Variants in SCN9A observed in about 807,000 individuals in gnomAD.
The protein encoded by SCN9A is sodium channel protein type 9 subunit alpha.
In SCN9A, 131 loss-of-function variants were observed where a neutral mutation model predicts 187.0. The observed-to-expected ratio is 0.70, with a 90% CI of 0.61 to 0.81. The LOEUF (loss-of-function observed/expected upper bound fraction) is 0.81. Ranked by LOEUF, SCN9A falls within the 30% of genes least tolerant of loss-of-function variation. SCN9A has a pLI of 0.00. For synonymous variants in SCN9A, 809 were observed against 808.6 expected (o/e 1.00, Z -0.01); for missense variants, 2,252 against 2,396.6 (o/e 0.94, Z 1.26).
intron 26 of SCN9A, 128 bp from the exon 27 acceptor site, chr2:166,199,992 T>TTTTTTTTG (rs1693418488): frequency 2.3e-6 from 1 of 444,206 alleles, no homozygotes; most frequent in Non-Finnish European, 3.2e-6. Flanking sequence ...TTTTTTTTTT[T>TTTTTTTTG]TTTTTTTTTT....
rs1052482832 is a variant in SCN9A, at chr2:166,275,039, C to T, written c.2874+1944G>A. The stretch of plus-strand genomic sequence containing the variant: ...TAGACCATGGGTAATTGGTTTTGGT[C>T]TTCCACCCTAAATAATACCTAAACA... On this transcript the variant is annotated intron_variant, in intron 16 of 26. Transcript: ENST00000642356. 5.9e-5 allele frequency among the ~76,000 whole-genome samples: 9 copies of T among 152,252 alleles called. No individual in the cohort carries two copies. The East Asian group carries it at 7.7e-4, about 13-fold the overall frequency.
intron 1 of SCN9A, among the ~76,000 whole-genome samples, chr2:166,330,692 A>G (rs886373234): frequency 2.0e-5 from 3 of 152,316 alleles, no homozygotes; most frequent in African/African-American, 7.2e-5. Context: ...TCAGATGATC[A>G]GGCATTAGTT....
intron 26 of SCN9A, 86 bp from the exon 27 acceptor site, chr2:166,199,950 A>T: frequency 1.8e-6 from 1 of 569,010 alleles, no homozygotes; most frequent in Non-Finnish European, 2.9e-6. Flanking sequence ...TTATCTGTCA[A>T]CTCATTTCTT....
At chr2:166,329,614 T>C (rs1322624759) in intron 1 of SCN9A, among the ~76,000 whole-genome samples, 1 of 152,038 alleles carries the variant, frequency 6.6e-6, no homozygotes, top group Non-Finnish European at 1.5e-5. Context: ...ACAAATATTT[T>C]TAAGGTGCCA....
At chr2:166,204,921 G>C (rs1199897356) in intron 24 of SCN9A, 1 of 152,342 alleles carries the variant, frequency 6.6e-6, no homozygotes, top group Non-Finnish European at 1.5e-5. Flanking sequence ...TTACTACAAA[G>C]AGAATAAAAT....
chr2:166,227,585 T>C (rs957198642), intron 23 of SCN9A, 85 bp downstream of exon 23: 3 of 812,228 alleles, frequency 3.7e-6, no homozygotes, highest in East Asian at 5.3e-5. Flanking sequence ...CCCAAGGGCT[T>C]CATGAAGTTA....
chr2:166,347,239 G>T (rs1016353799), intron 1 of SCN9A, among the ~76,000 whole-genome samples: 10 of 152,052 alleles, frequency 6.6e-5, no homozygotes, highest in African/African-American at 2.4e-4. Context: ...ATTCTCCTTT[G>T]GGATCTTTTA....
At chr2:166,294,429 T>G in intron 8 of SCN9A, 170 bp downstream of exon 8, 1 of 512,662 alleles carries the variant, frequency 2.0e-6, no homozygotes, top group South Asian at 3.7e-5. Flanking sequence ...GAGTATGCAT[T>G]AACTGTGAAC....
At chr2:166,305,702 A>T in intron 5 of SCN9A, 90 bp downstream of exon 5, 1 of 1,535,156 alleles carries the variant, frequency 6.5e-7, no homozygotes, top group African/African-American at 1.4e-5. Context: ...ATGCTGGAAA[A>T]ATCAGACCCC....
intron 1 of SCN9A, among the ~76,000 whole-genome samples, chr2:166,333,334 G>T (rs1364644485): frequency 6.6e-6 from 1 of 152,064 alleles, no homozygotes; most frequent in Non-Finnish European, 1.5e-5. Context: ...TTTCCTCGAT[G>T]ATTGGCTTTC....
At chr2:166,229,625 C>T (rs1030587375) in intron 21 of SCN9A, among the ~76,000 whole-genome samples, 2 of 151,988 alleles carry the variant, frequency 1.3e-5, no homozygotes, top group African/African-American at 2.4e-5. Context: ...TAAGAGCAAT[C>T]GTTTTAAATT....
chr2:166,201,410 G>A (rs57281037), intron 26 of SCN9A, among the ~76,000 whole-genome samples: 2 of 146,086 alleles, frequency 1.4e-5, no homozygotes, highest in African/African-American at 2.5e-5. Flanking sequence ...ACGCTATATA[G>A]CATATAGTAT....
rs770013337 is a variant in SCN9A, at chr2:166,284,815, T to C, written c.1612A>G (p.Ser538Gly). The C allele has an allele frequency of 6.2e-6, 10 of 1,608,884 alleles. No individual in the cohort carries two copies. The highest frequency in any genetic ancestry group is 7.6e-6 in the Non-Finnish European group (9 of 1,178,514). The change falls in exon 12 of 27, where the codon AGC becomes GGC. Residue 538 changes from serine (S) to glycine (G), a missense_variant. Physicochemically the swap from Ser to Gly is moderately conservative, Grantham distance 56. Coordinates refer to ENST00000642356, the MANE Select transcript of SCN9A (RefSeq NM_001365536.1). ...GCAGAAAACAAGGAGCCACGAATGC[T>C]GAGTGGTGACTGCAGAAAAATTAAA... The part of the protein sequence containing the change: ...RLSTPNQSPL[S>G]IRGSLFSARR...
chr2:166,229,837 A>G (rs927937835), intron 21 of SCN9A, among the ~76,000 whole-genome samples: 7 of 151,982 alleles, frequency 4.6e-5, no homozygotes, highest in Non-Finnish European at 8.8e-5. Flanking sequence ...GGCATTTAAC[A>G]CTCTCCAGAT....
intron 18 of SCN9A, among the ~76,000 whole-genome samples, chr2:166,250,723 A>G (rs1695997620): frequency 6.6e-6 from 1 of 152,098 alleles, no homozygotes; most frequent in Non-Finnish European, 1.5e-5. Context: ...GTACTGTTAC[A>G]AAACAAGAGA....
chr2:166,313,008 T>TTAAATAAGTTATTATTTAATTTTCTG (rs138488726), intron 1 of SCN9A, among the ~76,000 whole-genome samples: 2 of 120,070 alleles, frequency 1.7e-5, no homozygotes, highest in African/African-American at 5.6e-5. Context: ...ATTTTCTGAA[T>TTAAATAAGTTATTATTTAATTTTCTG]AATTAAATAA....
intron 16 of SCN9A, among the ~76,000 whole-genome samples, chr2:166,275,762 G>A (rs1267767044): frequency 6.6e-6 from 1 of 152,088 alleles, no homozygotes; most frequent in Non-Finnish European, 1.5e-5. Context: ...TTATAGAATG[G>A]TAATCCAGGA....
chr2:166,324,539 A>G (rs1699318675), intron 1 of SCN9A, among the ~76,000 whole-genome samples: 1 of 152,142 alleles, frequency 6.6e-6, no homozygotes, highest in Non-Finnish European at 1.5e-5. Context: ...AGTACCATTA[A>G]TTTTTAAAGC....
intron 24 of SCN9A, among the ~76,000 whole-genome samples, chr2:166,209,159 T>A (rs753496290): frequency 2.0e-5 from 3 of 152,228 alleles, no homozygotes; most frequent in Non-Finnish European, 4.4e-5. Context: ...CCTGTCAAAG[T>A]CAGTCCATAA....
Sources: gnomAD v4.1 joint callset for allele counts (sites outside exome capture counted in the v4.1 genomes callset) on GRCh38, gnomAD v4.1.1 for gene constraint, MANE v1.5 for transcripts, NCBI Gene and HGNC (gene_info 2026-07-23, HGNC 2026-07-21) for gene names.